FGGY: variants seen among roughly 807,000 people sequenced by gnomAD.
FGGY encodes FGGY carbohydrate kinase domain containing.
Under a neutral mutation model 71.3 loss-of-function variants are expected in FGGY, and 72 were observed. The ratio of observed to expected loss-of-function variants is 1.01; its 90% CI spans 0.84 to 1.23. The LOEUF is 1.23. Ranked by LOEUF, FGGY falls within the 50% of genes most tolerant of loss-of-function variation. The pLI is 0.00. For synonymous variants in FGGY, 251 were observed against 250.3 expected (o/e 1.00, Z -0.02); for missense variants, 668 against 682.3 (o/e 0.98, Z 0.23).
intron 5 of FGGY, among the ~76,000 whole-genome samples, chr1:59,454,538 T>C (rs1325937160): frequency 6.6e-6 from 1 of 152,160 alleles, no homozygotes; most frequent in Non-Finnish European, 1.5e-5. Flanking sequence ...CTGTGCCACA[T>C]GTAAAAAAAT....
At chr1:59,554,468 G>A (rs777566817) in intron 8 of FGGY, among the ~76,000 whole-genome samples, 2 of 152,112 alleles carry the variant, frequency 1.3e-5, no homozygotes, top group Admixed American at 6.5e-5. Flanking sequence ...TCCCTTTGAC[G>A]TCACCCTGGC....
At chr1:59,466,315 A>C (rs929729332) in intron 6 of FGGY, among the ~76,000 whole-genome samples, 2 of 152,220 alleles carry the variant, frequency 1.3e-5, no homozygotes, top group Non-Finnish European at 2.9e-5. Flanking sequence ...TAGAAAGCTG[A>C]AACTGGATCC....
At chr1:59,439,252 T>C (rs2069206340) in intron 5 of FGGY, among the ~76,000 whole-genome samples, 1 of 152,226 alleles carries the variant, frequency 6.6e-6, no homozygotes, top group Non-Finnish European at 1.5e-5. Flanking sequence ...AGATTTTAAT[T>C]AATTGAAATT....
intron 6 of FGGY, among the ~76,000 whole-genome samples, chr1:59,460,478 T>C (rs925305671): frequency 1.3e-5 from 2 of 152,194 alleles, no homozygotes; most frequent in African/African-American, 4.8e-5. Flanking sequence ...GGGCACGGCG[T>C]AGCTGAACAA....
At chr1:59,622,861 C>T (rs2096823597) in intron 9 of FGGY, among the ~76,000 whole-genome samples, 1 of 152,174 alleles carries the variant, frequency 6.6e-6, no homozygotes, top group Admixed American at 6.5e-5. Context: ...TGTGTCTACT[C>T]CTCTCCAGTT....
chr1:59,443,657 G>C (rs2070520665), intron 5 of FGGY, among the ~76,000 whole-genome samples: 1 of 152,240 alleles, frequency 6.6e-6, no homozygotes, highest in South Asian at 2.1e-4. Context: ...TATACACACT[G>C]TGTTGTCCTG....
intron 7 of FGGY, among the ~76,000 whole-genome samples, chr1:59,514,997 G>T (rs2094606344): frequency 6.6e-6 from 1 of 152,204 alleles, no homozygotes; most frequent in African/African-American, 2.4e-5. Context: ...AGAGGGAAGA[G>T]ACTTGCCTTG....
intron 14 of FGGY, among the ~76,000 whole-genome samples, chr1:59,688,543 G>T (rs1019343894): frequency 1.3e-5 from 2 of 152,110 alleles, no homozygotes; most frequent in Non-Finnish European, 2.9e-5. Flanking sequence ...CTCAGAACAG[G>T]TTTATGTGGA....
rs1051977358 is a variant in FGGY at position 59,635,349 on chromosome 1, A to T, written c.1074-2879A>T. 2.6e-5 allele frequency among the ~76,000 whole-genome samples: 4 copies of T among 152,274 alleles called. No individual in the cohort carries two copies. The East Asian group carries it at 7.7e-4, about 29-fold the overall frequency. On this transcript the variant is annotated intron_variant, in intron 10 of 15. Transcript: ENST00000303721. ...TAAGCATATGCCCCATCCCTCAGGG[A>T]TCTCATTAGTGCATGAGTGGCCATA...
At chr1:59,369,659 C>T (rs1204616195) in intron 4 of FGGY, among the ~76,000 whole-genome samples, 3 of 152,134 alleles carry the variant, frequency 2.0e-5, no homozygotes, top group African/African-American at 4.8e-5. Flanking sequence ...CTGGGAGGCA[C>T]CCCCCAGTAG....
At chr1:59,523,727 T>G (rs925447809) in intron 7 of FGGY, among the ~76,000 whole-genome samples, 5 of 152,212 alleles carry the variant, frequency 3.3e-5, no homozygotes, top group Middle Eastern at 3.2e-3. Flanking sequence ...ATGACTCTGA[T>G]GTAAGAGTTT....
At chr1:59,514,494 C>T (rs2094591300) in intron 7 of FGGY, among the ~76,000 whole-genome samples, 1 of 152,158 alleles carries the variant, frequency 6.6e-6, no homozygotes, top group Non-Finnish European at 1.5e-5. Flanking sequence ...AAGTTTTACC[C>T]TTAGAAGCTT....
intron 4 of FGGY, among the ~76,000 whole-genome samples, chr1:59,373,833 C>G (rs181296902): frequency 2.4e-3 from 358 of 152,262 alleles, no homozygotes; most frequent in African/African-American, 8.4e-3. Context: ...ATAAATGGTG[C>G]TGGGAAAACT....
intron 7 of FGGY, 91 bp downstream of exon 7, chr1:59,512,530 A>G (rs1192626532): frequency 1.4e-6 from 2 of 1,385,820 alleles, no homozygotes; most frequent in African/African-American, 2.9e-5. Context: ...TTTTAAAGCA[A>G]AGGTCAAGGA....
intron 3 of FGGY, among the ~76,000 whole-genome samples, chr1:59,344,613 C>T (rs2051407808): frequency 6.6e-6 from 1 of 152,106 alleles, no homozygotes; most frequent in African/African-American, 2.4e-5. Context: ...TCCAGGACCT[C>T]CTTAAGACCA....
At chr1:59,354,673 G>A (rs906230632) in intron 4 of FGGY, among the ~76,000 whole-genome samples, 6 of 152,206 alleles carry the variant, frequency 3.9e-5, no homozygotes, top group Admixed American at 2.0e-4. Context: ...TCTCCTGTGT[G>A]AGAGGCACTT....
chr1:59,561,268 C>G (rs1233160150), intron 8 of FGGY, among the ~76,000 whole-genome samples: 1 of 152,180 alleles, frequency 6.6e-6, no homozygotes. Flanking sequence ...GAAGGTGCCT[C>G]GCTTCCTCTT....
intron 4 of FGGY, among the ~76,000 whole-genome samples, chr1:59,363,478 G>A (rs1032287013): frequency 1.3e-5 from 2 of 152,174 alleles, no homozygotes; most frequent in South Asian, 2.1e-4. Flanking sequence ...ATTGTCCTCA[G>A]TAATTTTTAT....
chr1:59,461,121 C>T (rs1201394073), intron 6 of FGGY, among the ~76,000 whole-genome samples: 1 of 152,092 alleles, frequency 6.6e-6, no homozygotes, highest in Non-Finnish European at 1.5e-5. Flanking sequence ...ACAAACTTCT[C>T]CGAGCTAAAG....
Sources: gnomAD v4.1 joint callset for allele counts (sites outside exome capture counted in the v4.1 genomes callset) on GRCh38, gnomAD v4.1.1 for gene constraint, MANE v1.5 for transcripts, NCBI Gene and HGNC (gene_info 2026-07-23, HGNC 2026-07-21) for gene names.